Variants in IQCM observed in about 807,000 individuals in gnomAD.
The protein encoded by IQCM is IQ motif containing M, also known as IQ domain-containing protein M.
Under a neutral mutation model 57.6 loss-of-function variants are expected in IQCM, and 45 were observed. The observed-to-expected ratio is 0.78, with a 90% CI of 0.62 to 1.00. The LOEUF (loss-of-function observed/expected upper bound fraction) is 1.00. Ranked by LOEUF, IQCM falls within the 50% of genes least tolerant of loss-of-function variation. IQCM has a pLI of 0.00. For missense variants in IQCM, 468 were observed against 511.6 expected, an observed-to-expected ratio of 0.91 and a Z score of 0.82; for synonymous variants, 148 against 158.9, an observed-to-expected ratio of 0.93 and a Z score of 0.51.
At chr4:149,399,360 C>T (rs559905887) in intron 13 of IQCM, among the ~76,000 whole-genome samples, 11 of 151,472 alleles carry the variant, frequency 7.3e-5, no homozygotes, top group African/African-American at 2.7e-4. Context: ...TTCATAAATA[C>T]GTATTAATTA....
intron 13 of IQCM, among the ~76,000 whole-genome samples, chr4:149,367,810 G>T (rs1212037369): frequency 6.6e-6 from 1 of 152,032 alleles, no homozygotes; most frequent in Non-Finnish European, 1.5e-5. Context: ...GCCAGCAAAA[G>T]AAGTTATTGC....
chr4:149,759,742 C>A (rs1769323007), intron 2 of IQCM, among the ~76,000 whole-genome samples: 1 of 151,694 alleles, frequency 6.6e-6, no homozygotes, highest in Admixed American at 6.6e-5. Context: ...ATAAACCATA[C>A]CTATGAAAAG....
chr4:149,572,497 C>T (rs1037696497), intron 9 of IQCM, among the ~76,000 whole-genome samples: 3 of 151,532 alleles, frequency 2.0e-5, no homozygotes, highest in African/African-American at 4.8e-5. Flanking sequence ...TTCATAAAAG[C>T]GTCTTTCACT....
chr4:149,548,293 C>G (rs1294953055), intron 12 of IQCM, among the ~76,000 whole-genome samples, 162 bp downstream of exon 12: 1 of 151,968 alleles, frequency 6.6e-6, no homozygotes, highest in Non-Finnish European at 1.5e-5. Context: ...ATATTAAGAT[C>G]AGATGCAAAG....
chr4:149,768,316 C>A (rs1426015285), intron 2 of IQCM, among the ~76,000 whole-genome samples: 1 of 152,068 alleles, frequency 6.6e-6, no homozygotes, highest in Non-Finnish European at 1.5e-5. Flanking sequence ...ACACAATCTG[C>A]TGATAATAAA....
chr4:149,461,233 C>CAAA (rs61429806), intron 12 of IQCM, among the ~76,000 whole-genome samples: 4 of 71,898 alleles, frequency 5.6e-5, no homozygotes, highest in African/African-American at 1.2e-4. Context: ...AACTCCATCT[C>CAAA]AAAAAAAAAA....
chr4:149,668,514 C>CG (rs1444794929), intron 7 of IQCM, among the ~76,000 whole-genome samples: 2 of 151,976 alleles, frequency 1.3e-5, no homozygotes, highest in East Asian at 3.9e-4. Context: ...CTCAGGGCAG[C>CG]GGGGGGCAAG....
chr4:149,466,973 C>T (rs1365735801), intron 12 of IQCM, among the ~76,000 whole-genome samples: 1 of 152,170 alleles, frequency 6.6e-6, no homozygotes, highest in Non-Finnish European at 1.5e-5. Context: ...CCGGGGCCCT[C>T]ATGACCTAAT....
intron 12 of IQCM, among the ~76,000 whole-genome samples, chr4:149,485,981 T>C (rs1257362562): frequency 6.6e-6 from 1 of 151,214 alleles, no homozygotes. Flanking sequence ...GCAGAGACTC[T>C]TGTTCACTTC....
intron 13 of IQCM, among the ~76,000 whole-genome samples, chr4:149,389,866 TG>T (rs1004454453): frequency 6.6e-6 from 1 of 151,644 alleles, no homozygotes; most frequent in African/African-American, 2.4e-5. Flanking sequence ...TAATAATAAA[TG>T]AAAAAAAAAG....
At chr4:149,663,010 G>A (rs1185705996) in intron 7 of IQCM, among the ~76,000 whole-genome samples, 1 of 151,744 alleles carries the variant, frequency 6.6e-6, no homozygotes, top group Non-Finnish European at 1.5e-5. Flanking sequence ...CTCTAGATTG[G>A]TGGTTTTTTT....
intron 2 of IQCM, among the ~76,000 whole-genome samples, chr4:149,799,620 G>A (rs532237107): frequency 7.3e-5 from 11 of 151,354 alleles, no homozygotes; most frequent in African/African-American, 2.7e-4. Context: ...GAAGATAGAA[G>A]TAAAATCGGA....
intron 12 of IQCM, among the ~76,000 whole-genome samples, chr4:149,545,249 A>G (rs1365369128): frequency 6.6e-6 from 1 of 152,184 alleles, no homozygotes; most frequent in African/African-American, 2.4e-5. Flanking sequence ...CAGAGGAAAC[A>G]CAATCAACAA....
At position 149,577,548 on chromosome 4, in the gene IQCM, C is replaced by T. The variant is rs745660200; in HGVS notation, c.749+10382G>A. The stretch of plus-strand genomic sequence containing the variant: ...CAAAGATCAGATGGTTGTAGGTGTG[C>T]GGCTTTATTTCTGAGTTTTCTAACC... On this transcript the variant is annotated intron_variant, in intron 9 of 13. Coordinates refer to ENST00000636793, the MANE Select transcript of IQCM (RefSeq NM_001363507.2). Among the ~76,000 whole-genome samples the T allele has an allele frequency of 3.3e-5, 5 of 151,646 alleles. No individual in the cohort carries two copies. In the East Asian group the frequency reaches 5.8e-4, roughly 18 times the overall value.
intron 5 of IQCM, among the ~76,000 whole-genome samples, chr4:149,690,125 A>G (rs1185471103): frequency 6.6e-6 from 1 of 152,164 alleles, no homozygotes; most frequent in Non-Finnish European, 1.5e-5. Flanking sequence ...TGTTTATAGC[A>G]GCACAATTCA....
chr4:149,679,660 T>C (rs1561146614), intron 7 of IQCM, among the ~76,000 whole-genome samples: 4 of 147,592 alleles, frequency 2.7e-5, no homozygotes, highest in Non-Finnish European at 4.5e-5. Flanking sequence ...GCATGAATTG[T>C]AAAAAAAAAA....
chr4:149,652,912 G>A (rs906887652), intron 7 of IQCM, among the ~76,000 whole-genome samples: 7 of 152,126 alleles, frequency 4.6e-5, no homozygotes, highest in Admixed American at 2.6e-4. Context: ...ACAGTAGGAT[G>A]CTCACCAAAA....
intron 8 of IQCM, among the ~76,000 whole-genome samples, chr4:149,595,232 T>G (rs887125619): frequency 4.6e-5 from 7 of 152,198 alleles, no homozygotes; most frequent in African/African-American, 1.7e-4. Context: ...TCTCTTTTGA[T>G]CTTTGTTGGT....
intron 2 of IQCM, among the ~76,000 whole-genome samples, chr4:149,810,037 A>T (rs1774416746): frequency 6.6e-6 from 1 of 151,874 alleles, no homozygotes; most frequent in South Asian, 2.1e-4. Flanking sequence ...TCTTATCTCC[A>T]ACTCCTCCCT....
Sources: gnomAD v4.1 joint callset for allele counts (sites outside exome capture counted in the v4.1 genomes callset) on GRCh38, gnomAD v4.1.1 for gene constraint, MANE v1.5 for transcripts, NCBI Gene and HGNC (gene_info 2026-07-23, HGNC 2026-07-21) for gene names.